The following MECOM variants were observed in gnomAD, a reference collection of about 807,000 sequenced individuals.
MECOM encodes the protein histone-lysine N-methyltransferase MECOM.
A neutral mutation model predicts 116.3 loss-of-function variants in MECOM; 13 were observed. The ratio of observed to expected loss-of-function variants is 0.11; its 90% CI spans 0.07 to 0.18. MECOM has a LOEUF of 0.18. MECOM is among the 10% of genes least tolerant of loss of function. The probability of loss-of-function intolerance (pLI) is 1.00; values close to 1 mark genes in which losing one functional copy is unlikely to be tolerated. For synonymous variants in MECOM, 528 were observed against 535.2 expected, an observed-to-expected ratio of 0.99 and a Z score of 0.19; for missense variants, 1,299 against 1,509.0, an observed-to-expected ratio of 0.86 and a Z score of 2.31.
chr3:169,496,357 T>G (rs1009667975), intron 1 of MECOM, among the ~76,000 whole-genome samples: 1 of 152,272 alleles, frequency 6.6e-6, no homozygotes, highest in Non-Finnish European at 1.5e-5. Flanking sequence ...TAAGAGCTTT[T>G]GTTTTAAAAC....
At chr3:169,252,506 A>G (rs544341102) in intron 2 of MECOM, among the ~76,000 whole-genome samples, 1 of 150,762 alleles carries the variant, frequency 6.6e-6, no homozygotes, top group African/African-American at 2.4e-5. Flanking sequence ...ATTTTATTTT[A>G]TATATAACAA....
At chr3:169,477,646 C>A (rs1750692414) in intron 1 of MECOM, among the ~76,000 whole-genome samples, 1 of 152,194 alleles carries the variant, frequency 6.6e-6, no homozygotes, top group Non-Finnish European at 1.5e-5. Context: ...TATGCCCAAA[C>A]ACCTTTCTTC....
chr3:169,472,963 G>C lies in MECOM; in HGVS notation c.38-91439C>G. On this transcript the variant is annotated intron_variant, in intron 1 of 16. Coordinates refer to ENST00000651503, the MANE Select transcript of MECOM (RefSeq NM_004991.4). ...GCCCCTACTTTGTCCCTACCTGGTA[G>C]TTATCAATATGTAGACACCACCCAG... The C allele has an allele frequency of 3.1e-6, 3 of 983,588 alleles. No homozygotes were observed. The South Asian group carries it at 1.4e-4, about 46-fold the overall frequency. The allele number at this position is 983,588 out of a possible 1,614,324, so 60.9% of individuals were successfully genotyped here. A position where few individuals can be genotyped will look rare whatever the true frequency, so the allele number is the denominator to read the frequency against.
At chr3:169,093,725 CG>C (rs1278620065) in intron 13 of MECOM, among the ~76,000 whole-genome samples, 1 of 152,172 alleles carries the variant, frequency 6.6e-6, no homozygotes, top group Non-Finnish European at 1.5e-5. Flanking sequence ...TCACAATACC[CG>C]TATCACTGGA....
At chr3:169,256,410 A>T (rs1756875659) in intron 2 of MECOM, among the ~76,000 whole-genome samples, 1 of 151,982 alleles carries the variant, frequency 6.6e-6, no homozygotes, top group Non-Finnish European at 1.5e-5. Flanking sequence ...TGCTCTACTG[A>T]ACTTAAAATT....
chr3:169,440,131 T>A (rs369499974), intron 1 of MECOM, among the ~76,000 whole-genome samples: 1 of 152,072 alleles, frequency 6.6e-6, no homozygotes, highest in Non-Finnish European at 1.5e-5. Context: ...ACTTCCTGAG[T>A]TAGGTAGTGA....
chr3:169,248,230 T>G (rs17483242), intron 2 of MECOM, among the ~76,000 whole-genome samples: 2,543 of 152,316 alleles, frequency 0.017, 37 homozygotes, highest in Non-Finnish European at 0.021. Flanking sequence ...TCTATGAGGA[T>G]AATTATAATG....
At chr3:169,453,343 G>A (rs1745920685) in intron 1 of MECOM, among the ~76,000 whole-genome samples, 1 of 152,208 alleles carries the variant, frequency 6.6e-6, no homozygotes, top group South Asian at 2.1e-4. Context: ...GCTTGATAAA[G>A]ATGTATGTTT....
chr3:169,279,918 A>C (rs1315079295), intron 2 of MECOM, among the ~76,000 whole-genome samples: 1 of 152,184 alleles, frequency 6.6e-6, no homozygotes, highest in Admixed American at 6.5e-5. Context: ...CACAAGACTG[A>C]TATTTCATTG....
chr3:169,301,701 T>C (rs1427082054), intron 2 of MECOM, among the ~76,000 whole-genome samples: 2 of 152,226 alleles, frequency 1.3e-5, no homozygotes, highest in East Asian at 3.8e-4. Flanking sequence ...ATGTAAAAGA[T>C]ATGCTAATTT....
At chr3:169,345,666 G>A (rs1414777035) in intron 2 of MECOM, among the ~76,000 whole-genome samples, 1 of 152,088 alleles carries the variant, frequency 6.6e-6, no homozygotes, top group African/African-American at 2.4e-5. Flanking sequence ...TAGGTCAAAT[G>A]CAAGTTAATC....
chr3:169,245,390 A>G (rs1755454226), intron 2 of MECOM, among the ~76,000 whole-genome samples: 1 of 152,192 alleles, frequency 6.6e-6, no homozygotes, highest in Non-Finnish European at 1.5e-5. Context: ...TAAAAACATT[A>G]TCTTCATATT....
chr3:169,221,370 A>C (rs1422356809), intron 2 of MECOM, among the ~76,000 whole-genome samples: 1 of 152,196 alleles, frequency 6.6e-6, no homozygotes, highest in Non-Finnish European at 1.5e-5. Context: ...GTAAACTCAG[A>C]AATTATTTCA....
intron 2 of MECOM, among the ~76,000 whole-genome samples, chr3:169,199,059 T>A (rs1039012549): frequency 2.0e-5 from 3 of 152,118 alleles, no homozygotes; most frequent in African/African-American, 7.2e-5. Context: ...GTCCCCAATG[T>A]CACCTCTACT....
intron 1 of MECOM, among the ~76,000 whole-genome samples, chr3:169,512,008 C>T (rs1423861160): frequency 6.6e-6 from 1 of 152,116 alleles, no homozygotes; most frequent in Non-Finnish European, 1.5e-5. Flanking sequence ...CACACAAAAG[C>T]ACTCAGTAGA....
At chr3:169,238,980 C>T (rs1051201754) in intron 2 of MECOM, among the ~76,000 whole-genome samples, 2 of 152,096 alleles carry the variant, frequency 1.3e-5, no homozygotes, top group Non-Finnish European at 2.9e-5. Flanking sequence ...ACATCTTCAT[C>T]ATAATGAGAA....
intron 1 of MECOM, among the ~76,000 whole-genome samples, chr3:169,541,277 T>TTGAGAAC (rs1329548351): frequency 6.6e-6 from 1 of 152,198 alleles, no homozygotes; most frequent in African/African-American, 2.4e-5. Flanking sequence ...GGGAGATTAG[T>TTGAGAAC]TGAGAACTGA....
At chr3:169,294,216 G>A (rs1715156425) in intron 2 of MECOM, among the ~76,000 whole-genome samples, 1 of 151,912 alleles carries the variant, frequency 6.6e-6, no homozygotes, top group East Asian at 1.9e-4. Context: ...CTGTAATGTA[G>A]AATAGTTATA....
At chr3:169,314,824 C>G (rs1321330536) in intron 2 of MECOM, among the ~76,000 whole-genome samples, 1 of 152,122 alleles carries the variant, frequency 6.6e-6, no homozygotes, top group Non-Finnish European at 1.5e-5. Flanking sequence ...TTAAAAAGTG[C>G]TAAGGGAAGT....
Sources: allele counts gnomAD v4.1 joint callset (sites outside exome capture counted in the v4.1 genomes callset), GRCh38; gene constraint gnomAD v4.1.1; transcripts MANE v1.5; gene names NCBI Gene and HGNC (gene_info 2026-07-23, HGNC 2026-07-21).